EIF4E: variants seen among roughly 807,000 people sequenced by gnomAD.
EIF4E encodes eIF-4F 25 kDa subunit.
For missense variants in EIF4E, 113 were observed against 265.6 expected (o/e 0.43, Z 3.99); for synonymous variants, 71 against 88.5 (o/e 0.80, Z 1.11).
intron 1 of EIF4E, among the ~76,000 whole-genome samples, chr4:98,925,341 TAATG>T (rs1293791906): frequency 6.6e-6 from 1 of 152,182 alleles, no homozygotes; most frequent in Non-Finnish European, 1.5e-5. Context: ...TTAATTCTAA[TAATG>T]AACGATGTAG....
intron 1 of EIF4E, among the ~76,000 whole-genome samples, chr4:98,928,311 A>G (rs1392969281): frequency 6.6e-6 from 1 of 151,924 alleles, no homozygotes. Flanking sequence ...CCCAGTCCCA[A>G]GCATGGAGGG....
At chr4:98,907,714 T>C (rs1352146411) in intron 1 of EIF4E, among the ~76,000 whole-genome samples, 1 of 152,166 alleles carries the variant, frequency 6.6e-6, no homozygotes, top group African/African-American at 2.4e-5. Context: ...AGTCTTAAGA[T>C]GAGTATGATA....
chr4:98,891,382 A>G lies in EIF4E; in HGVS notation c.126-50T>C, dbSNP rs1344975024. 2.6e-6 allele frequency: 4 copies of G among 1,524,978 alleles called. No homozygotes were observed. The Admixed American group carries it at 5.5e-5, about 21-fold the overall frequency. 94.5% of individuals were successfully genotyped at this position (1,524,978 alleles called of 1,614,324 possible). A position where few individuals can be genotyped will look rare whatever the true frequency, so the allele number is the denominator to read the frequency against. On this transcript the variant is annotated intron_variant, in intron 2 of 6. Transcript: ENST00000450253. ...AAAATGGTAGCTGCATACCCATGTT[A>G]AAAGCAACATTATTCACAAAAGTCA...
At chr4:98,891,611 G>A in intron 2 of EIF4E, 5 of 359,660 alleles carry the variant, frequency 1.4e-5, no homozygotes, top group Middle Eastern at 8.5e-4. Context: ...GGTATAAGAA[G>A]TCAAATTCAT....
chr4:98,903,373 T>TG, intron 1 of EIF4E: 1 of 426,084 alleles, frequency 2.3e-6, no homozygotes, highest in Non-Finnish European at 4.6e-6. Context: ...TTTTTTTTTT[T>TG]TGTATTTTAT....
rs749399620 is a variant in EIF4E at position 98,901,987 on chromosome 4, T to C, written c.19-5A>G. 6.2e-7 allele frequency: 1 copy of C among 1,606,706 alleles called. No homozygotes were observed. The highest frequency in any genetic ancestry group is 8.5e-7 in the Non-Finnish European group (1 of 1,173,534). On this transcript the variant is annotated splice_polypyrimidine_tract_variant and splice_region_variant and intron_variant, in intron 1 of 6. Transcript: ENST00000450253. ...ATTAGGAGTAGGGGTGGTTTCCTAGTGGAAAATAATATAAAACATTATTTT... is the reference window on the plus strand; with the variant it reads ...ATTAGGAGTAGGGGTGGTTTCCTAGCGGAAAATAATATAAAACATTATTTT...
chr4:98,924,072 C>CTT (rs1189645783), intron 1 of EIF4E, among the ~76,000 whole-genome samples: 1 of 148,920 alleles, frequency 6.7e-6, no homozygotes. Flanking sequence ...AAGGAAACTT[C>CTT]TTTTGTTTAT....
intron 2 of EIF4E, among the ~76,000 whole-genome samples, chr4:98,894,968 T>C (rs1325612952): frequency 2.0e-5 from 3 of 152,212 alleles, no homozygotes; most frequent in Non-Finnish European, 4.4e-5. Context: ...TCAACATTGT[T>C]GTGTCTCAGG....
chr4:98,924,846 C>T (rs1235258367), intron 1 of EIF4E, among the ~76,000 whole-genome samples: 7 of 152,258 alleles, frequency 4.6e-5, no homozygotes, highest in Admixed American at 1.3e-4. Context: ...CCACCCGCCT[C>T]GGCCTCCCAA....
chr4:98,923,009 A>T (rs976649812), intron 1 of EIF4E, among the ~76,000 whole-genome samples: 2 of 151,746 alleles, frequency 1.3e-5, no homozygotes, highest in African/African-American at 4.8e-5. Flanking sequence ...CACCATACCC[A>T]GCTAATTTTG....
chr4:98,891,621 T>C (rs901269972), intron 2 of EIF4E: 15 of 336,710 alleles, frequency 4.5e-5, no homozygotes, highest in Non-Finnish European at 5.4e-5. Flanking sequence ...GTCAAATTCA[T>C]AGAAACAAAA....
intron 1 of EIF4E, among the ~76,000 whole-genome samples, chr4:98,916,702 C>T (rs181355835): frequency 5.6e-4 from 85 of 152,120 alleles, no homozygotes; most frequent in Non-Finnish European, 1.0e-3. Flanking sequence ...AGAAGTCCAC[C>T]ATGAAACTTG....
At chr4:98,905,022 T>A (rs1045197167) in intron 1 of EIF4E, among the ~76,000 whole-genome samples, 27 of 152,036 alleles carry the variant, frequency 1.8e-4, no homozygotes, top group African/African-American at 6.3e-4. Context: ...AGAAACAAGT[T>A]CTATTTTAAG....
At chr4:98,928,877 C>G in intron 1 of EIF4E, 1 of 1,547,942 alleles carries the variant, frequency 6.5e-7, no homozygotes, top group South Asian at 1.2e-5. Context: ...ACCGCTCCCC[C>G]AGTTCTCGGG....
intron 1 of EIF4E, among the ~76,000 whole-genome samples, chr4:98,904,665 G>A (rs1286237595): frequency 6.6e-6 from 1 of 152,168 alleles, no homozygotes; most frequent in African/African-American, 2.4e-5. Flanking sequence ...CAGCTACTGG[G>A]GAGGCTAAGG....
At chr4:98,916,847 A>T (rs1357244119) in intron 1 of EIF4E, among the ~76,000 whole-genome samples, 1 of 152,154 alleles carries the variant, frequency 6.6e-6, no homozygotes, top group Admixed American at 6.6e-5. Flanking sequence ...AACGTGAGAT[A>T]AGAAACCAAA....
intron 1 of EIF4E, among the ~76,000 whole-genome samples, chr4:98,927,394 G>A (rs1422512667): frequency 6.6e-6 from 1 of 152,072 alleles, no homozygotes; most frequent in Non-Finnish European, 1.5e-5. Context: ...TGTGGCTCAC[G>A]CCTGTAATCC....
intron 1 of EIF4E, among the ~76,000 whole-genome samples, chr4:98,915,535 T>C (rs1192429524): frequency 6.6e-6 from 1 of 151,858 alleles, no homozygotes. Flanking sequence ...TATCATATTT[T>C]TGTAAATTAC....
intron 1 of EIF4E, among the ~76,000 whole-genome samples, chr4:98,914,001 T>C (rs1345663132): frequency 6.6e-6 from 1 of 151,556 alleles, no homozygotes; most frequent in African/African-American, 2.4e-5. Flanking sequence ...TTGTAAAAAT[T>C]ACTTTAAAAC....
Sources: gnomAD v4.1 joint callset for allele counts (sites outside exome capture counted in the v4.1 genomes callset) on GRCh38, gnomAD v4.1.1 for gene constraint, MANE v1.5 for transcripts, NCBI Gene and HGNC (gene_info 2026-07-23, HGNC 2026-07-21) for gene names.